Variants in KIAA1217 observed in about 807,000 individuals in gnomAD.
The protein encoded by KIAA1217 is KIAA1217, also known as sickle tail protein homolog.
A neutral mutation model predicts 163.9 loss-of-function variants in KIAA1217; 88 were observed. That is an observed-to-expected ratio of 0.54 (90% CI 0.45 to 0.64). The LOEUF (loss-of-function observed/expected upper bound fraction) is 0.64, where lower values mean the gene tolerates loss of function less well. Among genes scored for constraint, KIAA1217 ranks in the 30% least tolerant of loss-of-function variants. KIAA1217 has a pLI of 0.00. For missense variants in KIAA1217, 2,372 were observed against 2,475.0 expected (o/e 0.96, Z 0.88); for synonymous variants, 903 against 923.1 (o/e 0.98, Z 0.39).
intron 1 of KIAA1217, among the ~76,000 whole-genome samples, chr10:23,908,638 C>G (rs1371833851): frequency 2.6e-5 from 4 of 152,118 alleles, no homozygotes; most frequent in Admixed American, 2.0e-4. Context: ...GGACATCTCC[C>G]CTGAGTGATG....
At chr10:23,968,402 C>T (rs570031718) in intron 1 of KIAA1217, among the ~76,000 whole-genome samples, 84 of 152,238 alleles carry the variant, frequency 5.5e-4, no homozygotes, top group African/African-American at 1.5e-3. Context: ...GCTACGTAGA[C>T]GGGTTTTATG....
intron 2 of KIAA1217, among the ~76,000 whole-genome samples, chr10:24,056,263 G>A (rs569465878): frequency 1.0e-3 from 159 of 152,206 alleles, no homozygotes; most frequent in Non-Finnish European, 1.4e-3. Flanking sequence ...GGGAGATGGA[G>A]GTCACGGTGA....
At chr10:24,403,474 A>G (rs936072124) in intron 3 of KIAA1217, among the ~76,000 whole-genome samples, 1 of 152,084 alleles carries the variant, frequency 6.6e-6, no homozygotes, top group African/African-American at 2.4e-5. Flanking sequence ...CCTGACCTCA[A>G]GTGATCCTCC....
chr10:24,303,830 T>A (rs887525502), intron 2 of KIAA1217, among the ~76,000 whole-genome samples: 4 of 151,900 alleles, frequency 2.6e-5, no homozygotes, highest in Non-Finnish European at 5.9e-5. Context: ...GATTCAAATT[T>A]GCACGTGTGT....
chr10:24,121,997 A>T (rs981313667), intron 2 of KIAA1217, among the ~76,000 whole-genome samples: 1 of 152,248 alleles, frequency 6.6e-6, no homozygotes, highest in South Asian at 2.1e-4. Flanking sequence ...AATTTTTAAA[A>T]TTATTTTTTA....
intron 2 of KIAA1217, among the ~76,000 whole-genome samples, chr10:24,333,783 A>G (rs192268988): frequency 1.8e-4 from 28 of 152,336 alleles, no homozygotes; most frequent in Admixed American, 2.6e-4. Context: ...AAAAAGCCAT[A>G]AAGATGGTTA....
At chr10:24,524,838 T>C in intron 13 of KIAA1217, 74 bp downstream of exon 13, 1 of 1,278,330 alleles carries the variant, frequency 7.8e-7, no homozygotes, top group South Asian at 1.5e-5. Context: ...AAAGCATTTA[T>C]AGGTCAGATG....
At position 23,790,644 on chromosome 10, in the gene KIAA1217, CAT is replaced by C. The variant is rs1302491079; in HGVS notation, c.-321+95413_-321+95414del. ...ATATACATATATATGTACATGTATA[CAT>C]ATGTGTATATATATACATATATATC... On this transcript the variant is annotated intron_variant, in intron 1 of 18. Coordinates refer to the KIAA1217 transcript ENST00000376462. 4.4e-5 allele frequency among the ~76,000 whole-genome samples: 6 copies of C among 136,180 alleles called. 1 individual carries two copies. The highest frequency in any genetic ancestry group is 1.2e-4 in the African/African-American group (4 of 32,994). The allele number at this position is 136,180 out of a possible 152,430, so 89.3% of individuals were successfully genotyped here. A position where few individuals can be genotyped will look rare whatever the true frequency, so the allele number is the denominator to read the frequency against.
chr10:24,318,289 G>A (rs1036062345), intron 2 of KIAA1217, among the ~76,000 whole-genome samples: 4 of 152,180 alleles, frequency 2.6e-5, no homozygotes, highest in African/African-American at 4.8e-5. Context: ...TAGACAGATA[G>A]ACAGACAGAC....
intron 1 of KIAA1217, among the ~76,000 whole-genome samples, chr10:23,979,398 A>C (rs1845673104): frequency 6.6e-6 from 1 of 152,146 alleles, no homozygotes; most frequent in Non-Finnish European, 1.5e-5. Flanking sequence ...TAAGGTGGAG[A>C]AGTGTTGGAT....
intron 6 of KIAA1217, among the ~76,000 whole-genome samples, chr10:24,492,714 A>G (rs191072382): frequency 1.3e-5 from 2 of 152,306 alleles, no homozygotes; most frequent in Admixed American, 1.3e-4. Context: ...TTACATTCCA[A>G]AGGCAAAACT....
intron 1 of KIAA1217, among the ~76,000 whole-genome samples, chr10:24,003,341 T>C (rs1403359673): frequency 6.6e-6 from 1 of 152,184 alleles, no homozygotes; most frequent in Non-Finnish European, 1.5e-5. Flanking sequence ...TTTTTAATTA[T>C]AGCTTAGCCA....
At chr10:24,431,038 C>T (rs983685773) in intron 3 of KIAA1217, among the ~76,000 whole-genome samples, 1 of 152,188 alleles carries the variant, frequency 6.6e-6, no homozygotes, top group Admixed American at 6.5e-5. Context: ...CCTGGCTCTG[C>T]CTGTTTTATG....
At chr10:24,107,917 C>A (rs538684505) in intron 2 of KIAA1217, among the ~76,000 whole-genome samples, 1 of 152,052 alleles carries the variant, frequency 6.6e-6, no homozygotes, top group East Asian at 1.9e-4. Flanking sequence ...GCAAGTGAAG[C>A]AGAAAAAAAA....
At chr10:23,774,676 G>A (rs1337286544) in intron 1 of KIAA1217, among the ~76,000 whole-genome samples, 1 of 152,100 alleles carries the variant, frequency 6.6e-6, no homozygotes, top group Non-Finnish European at 1.5e-5. Context: ...TCCCCAGGCT[G>A]TCCACAAGAC....
At chr10:23,760,206 A>G (rs1464831644) in intron 1 of KIAA1217, among the ~76,000 whole-genome samples, 1 of 152,236 alleles carries the variant, frequency 6.6e-6, no homozygotes, top group African/African-American at 2.4e-5. Context: ...GTACTTGCTA[A>G]GAGCTCTGTT....
chr10:23,790,874 A>G (rs974544288), intron 1 of KIAA1217, among the ~76,000 whole-genome samples: 2 of 151,816 alleles, frequency 1.3e-5, no homozygotes, highest in Non-Finnish European at 2.9e-5. Flanking sequence ...AGCTGGGACT[A>G]CAGGGATGTG....
intron 2 of KIAA1217, among the ~76,000 whole-genome samples, chr10:24,235,831 T>G (rs551980233): frequency 6.6e-6 from 1 of 152,220 alleles, no homozygotes; most frequent in African/African-American, 2.4e-5. Flanking sequence ...CCCTTTGCAA[T>G]CCAGTATGCA....
chr10:24,148,788 T>A (rs189580798), intron 2 of KIAA1217, among the ~76,000 whole-genome samples: 18 of 152,366 alleles, frequency 1.2e-4, no homozygotes, highest in Middle Eastern at 3.4e-3. Context: ...AGTATTCCTT[T>A]ATAGCAATGC....
Sources: gnomAD v4.1 joint callset for allele counts (sites outside exome capture counted in the v4.1 genomes callset) on GRCh38, gnomAD v4.1.1 for gene constraint, MANE v1.5 for transcripts, NCBI Gene and HGNC (gene_info 2026-07-23, HGNC 2026-07-21) for gene names.